Variants in PRKG1 observed in about 807,000 individuals in gnomAD.
The protein encoded by PRKG1 is cGMP-dependent protein kinase 1.
In PRKG1, 35 loss-of-function variants were observed where a neutral mutation model predicts 88.1. That is an observed-to-expected ratio of 0.40 (90% confidence interval 0.30 to 0.53). The LOEUF (loss-of-function observed/expected upper bound fraction) is 0.53, where lower values mean the gene tolerates loss of function less well. Ranked by LOEUF, PRKG1 falls within the 20% of genes least tolerant of loss-of-function variation. The pLI is 0.59. For missense variants in PRKG1, 540 were observed against 839.8 expected (o/e 0.64, Z 4.41); for synonymous variants, 303 against 292.5 (o/e 1.04, Z -0.37).
intron 2 of PRKG1, among the ~76,000 whole-genome samples, chr10:51,278,230 G>T (rs1302403558): frequency 6.6e-6 from 1 of 152,090 alleles, no homozygotes; most frequent in African/African-American, 2.4e-5. Flanking sequence ...TTTTGTCGTT[G>T]GTTCTGTTTG....
intron 6 of PRKG1, among the ~76,000 whole-genome samples, chr10:52,056,363 G>A (rs1347792886): frequency 1.3e-5 from 2 of 152,076 alleles, no homozygotes; most frequent in Non-Finnish European, 1.5e-5. Flanking sequence ...CTAATTCTTC[G>A]CTATGATGCA....
chr10:51,575,580 G>C (rs1443094067), intron 3 of PRKG1, among the ~76,000 whole-genome samples: 1 of 151,870 alleles, frequency 6.6e-6, no homozygotes, highest in Non-Finnish European at 1.5e-5. Context: ...ATTGTGATTA[G>C]TTCCTTTTAT....
intron 2 of PRKG1, among the ~76,000 whole-genome samples, chr10:51,178,868 A>G (rs767343624): frequency 6.6e-6 from 1 of 152,222 alleles, no homozygotes; most frequent in African/African-American, 2.4e-5. Flanking sequence ...CCTTAAACAT[A>G]TCTTCCAAAT....
chr10:51,518,923 A>G (rs1329343103), intron 3 of PRKG1, among the ~76,000 whole-genome samples: 1 of 152,214 alleles, frequency 6.6e-6, no homozygotes, highest in African/African-American at 2.4e-5. Flanking sequence ...TTGAAGGGGA[A>G]ATGTATTTTA....
At chr10:51,518,093 G>A (rs1224934708) in intron 3 of PRKG1, among the ~76,000 whole-genome samples, 1 of 152,154 alleles carries the variant, frequency 6.6e-6, no homozygotes, top group African/African-American at 2.4e-5. Context: ...TGCCTCCCAA[G>A]TTCAAGCAAT....
Position 52,221,888 on chromosome 10 carries a change from G to A in PRKG1, c.1077-29682G>A, listed in dbSNP as rs1741801193. Among the ~76,000 whole-genome samples, 4 of 152,308 alleles carry A rather than the reference G, an allele frequency of 2.6e-5. No homozygotes were observed. The South Asian group carries it at 8.3e-4, about 32-fold the overall frequency. On this transcript the variant is annotated intron_variant, in intron 9 of 17. Coordinates refer to ENST00000373980, the MANE Select transcript of PRKG1 (RefSeq NM_006258.4). ...ACTAAAAATTAAGGGAGATATTTGG[G>A]CTATTGGATTAAGTGCTTTCAGAAA... is the stretch of plus-strand genomic sequence containing the variant.
At chr10:51,033,963 C>T (rs1431223925) in intron 1 of PRKG1, among the ~76,000 whole-genome samples, 3 of 152,044 alleles carry the variant, frequency 2.0e-5, no homozygotes, top group Non-Finnish European at 2.9e-5. Context: ...CTTTAAGTCA[C>T]TTTGAATATT....
intron 9 of PRKG1, among the ~76,000 whole-genome samples, chr10:52,244,830 A>ATATTAAGATATATTTAAATATATAC (rs1589729895): frequency 1.7e-5 from 1 of 58,762 alleles, no homozygotes; most frequent in Non-Finnish European, 4.6e-5. Context: ...ATTTAAATAT[A>ATATTAAGATATATTTAAATATATAC]CTTTAATATA....
intron 4 of PRKG1, among the ~76,000 whole-genome samples, chr10:51,822,890 T>C (rs2132731595): frequency 6.6e-6 from 1 of 152,276 alleles, no homozygotes; most frequent in South Asian, 2.1e-4. Context: ...CCTTTGTTGG[T>C]GGTTCTTCTA....
chr10:51,878,221 T>G (rs1056497259), intron 4 of PRKG1, among the ~76,000 whole-genome samples: 3 of 140,156 alleles, frequency 2.1e-5, no homozygotes, highest in African/African-American at 8.3e-5. Context: ...TATGTGTGTG[T>G]GTGCATGTAT....
intron 2 of PRKG1, among the ~76,000 whole-genome samples, chr10:51,225,275 C>T (rs1432262416): frequency 1.3e-5 from 2 of 151,984 alleles, no homozygotes; most frequent in Non-Finnish European, 2.9e-5. Flanking sequence ...TTTATAAGGG[C>T]CCTCATCTCA....
At chr10:51,496,232 G>A (rs1564522782) in intron 3 of PRKG1, among the ~76,000 whole-genome samples, 1 of 152,170 alleles carries the variant, frequency 6.6e-6, no homozygotes, top group Non-Finnish European at 1.5e-5. Context: ...GACTCAATGT[G>A]TTTATTGTGT....
intron 3 of PRKG1, among the ~76,000 whole-genome samples, chr10:51,683,302 G>A (rs1189538996): frequency 6.6e-6 from 1 of 151,546 alleles, no homozygotes; most frequent in Non-Finnish European, 1.5e-5. Context: ...CCTCTGCAAG[G>A]GAGTGAGGCT....
intron 2 of PRKG1, among the ~76,000 whole-genome samples, chr10:51,282,337 G>A (rs898370447): frequency 1.3e-5 from 2 of 152,096 alleles, no homozygotes; most frequent in African/African-American, 4.8e-5. Context: ...CATGTCTGAA[G>A]CTCAAGAAAC....
intron 2 of PRKG1, among the ~76,000 whole-genome samples, chr10:51,166,830 T>C (rs1846556734): frequency 6.6e-6 from 1 of 152,210 alleles, no homozygotes; most frequent in African/African-American, 2.4e-5. Flanking sequence ...AAGCGGGGTG[T>C]GACTTTGACA....
At chr10:51,990,874 T>C (rs1844288097) in intron 5 of PRKG1, among the ~76,000 whole-genome samples, 1 of 97,930 alleles carries the variant, frequency 1.0e-5, no homozygotes, top group African/African-American at 5.9e-5. Flanking sequence ...GCTCCACCCA[T>C]GTTCCTGCAA....
At chr10:51,534,046 C>T (rs149652971) in intron 3 of PRKG1, among the ~76,000 whole-genome samples, 117 of 152,128 alleles carry the variant, frequency 7.7e-4, no homozygotes, top group African/African-American at 2.7e-3. Flanking sequence ...AAAATTTATG[C>T]TTAGGAAGAT....
intron 3 of PRKG1, among the ~76,000 whole-genome samples, chr10:51,681,613 G>T (rs1290864504): frequency 6.6e-6 from 1 of 152,126 alleles, no homozygotes; most frequent in Admixed American, 6.5e-5. Flanking sequence ...CCAAGTAATG[G>T]TAAAATATGC....
chr10:52,122,272 A>G (rs753777077), intron 7 of PRKG1, among the ~76,000 whole-genome samples: 9 of 152,206 alleles, frequency 5.9e-5, no homozygotes, highest in Non-Finnish European at 7.3e-5. Context: ...TGACATAATG[A>G]CATTAATCCA....
Sources: gnomAD v4.1 joint callset for allele counts (sites outside exome capture counted in the v4.1 genomes callset) on GRCh38, gnomAD v4.1.1 for gene constraint, MANE v1.5 for transcripts, NCBI Gene and HGNC (gene_info 2026-07-23, HGNC 2026-07-21) for gene names.